Variants in CNTN4 observed in about 807,000 individuals in gnomAD.
The protein encoded by CNTN4 is contactin-4.
In CNTN4, 77 loss-of-function variants were observed where a neutral mutation model predicts 122.5. That is an observed-to-expected ratio of 0.63 (90% CI 0.52 to 0.76). The LOEUF (loss-of-function observed/expected upper bound fraction) is 0.76. CNTN4 is among the 30% of genes least tolerant of loss of function. CNTN4 has a pLI of 0.00. For missense variants in CNTN4, 1,256 were observed against 1,259.1 expected (o/e 1.00, Z 0.04); for synonymous variants, 512 against 447.0 (o/e 1.15, Z -1.83).
At chr3:2,581,100 A>G (rs1330093733) in intron 4 of CNTN4, among the ~76,000 whole-genome samples, 4 of 152,168 alleles carry the variant, frequency 2.6e-5, no homozygotes, top group African/African-American at 7.2e-5. Context: ...CTTATTAGAA[A>G]TGGGGATTTT....
intron 2 of CNTN4, among the ~76,000 whole-genome samples, chr3:2,212,266 C>T (rs1001442194): frequency 1.3e-5 from 2 of 152,102 alleles, no homozygotes; most frequent in Non-Finnish European, 2.9e-5. Context: ...TGAGACACCA[C>T]ATCAGACCTC....
At chr3:2,233,168 C>A (rs1481428303) in intron 2 of CNTN4, among the ~76,000 whole-genome samples, 1 of 152,110 alleles carries the variant, frequency 6.6e-6, no homozygotes, top group Non-Finnish European at 1.5e-5. Flanking sequence ...TAAACATATA[C>A]CCACAGAAAC....
intron 3 of CNTN4, among the ~76,000 whole-genome samples, chr3:2,569,621 G>T (rs375368008): frequency 1.3e-5 from 2 of 152,216 alleles, no homozygotes; most frequent in East Asian, 3.9e-4. Context: ...AGTTTTCAAA[G>T]AAGTTTCATT....
Position 3,030,887 on chromosome 3 carries a change from C to A in CNTN4, c.1695C>A (p.Asn565Lys), listed in dbSNP as rs777927908. ...QDSAGDLMIR[N>K]IQLKHAGKYV... The stretch of plus-strand genomic sequence containing the variant: ...CAGCTGGTGATTTGATGATCCGAAA[C>A]ATCCAACTGAAGCATGCTGGGAAAT... Residue 565 changes from asparagine (N) to lysine (K), a missense_variant, in exon 16 of 25, where the codon AAC becomes AAA. Coordinates refer to ENST00000418658, the MANE Select transcript of CNTN4 (RefSeq NM_175607.3). 51 of 1,614,076 alleles carry A rather than the reference C, an allele frequency of 3.2e-5. No homozygotes were observed. Among genetic ancestry groups the A allele is most frequent in the Non-Finnish European group, 4.2e-5 (50 of 1,179,914 alleles).
At chr3:2,442,852 C>T (rs989484311) in intron 3 of CNTN4, among the ~76,000 whole-genome samples, 15 of 152,030 alleles carry the variant, frequency 9.9e-5, no homozygotes, top group African/African-American at 2.9e-4. Flanking sequence ...TTCTTTATTC[C>T]AAGTTTAATT....
At chr3:2,400,969 T>C (rs1238245605) in intron 3 of CNTN4, among the ~76,000 whole-genome samples, 1 of 152,010 alleles carries the variant, frequency 6.6e-6, no homozygotes, top group African/African-American at 2.4e-5. Flanking sequence ...TAGGTGTGTA[T>C]TGGGAAATTA....
At chr3:2,503,714 G>A (rs2076658098) in intron 3 of CNTN4, among the ~76,000 whole-genome samples, 1 of 152,012 alleles carries the variant, frequency 6.6e-6, no homozygotes, top group African/African-American at 2.4e-5. Flanking sequence ...AAAGTGGGTA[G>A]GGATGAGGAA....
At chr3:2,509,256 G>A (rs928866429) in intron 3 of CNTN4, among the ~76,000 whole-genome samples, 8 of 152,138 alleles carry the variant, frequency 5.3e-5, no homozygotes, top group Admixed American at 1.3e-4. Flanking sequence ...CACGAGCTGC[G>A]TGGAGTAGAT....
chr3:2,320,799 A>C (rs575188628), intron 2 of CNTN4, among the ~76,000 whole-genome samples: 1 of 152,238 alleles, frequency 6.6e-6, no homozygotes, highest in African/African-American at 2.4e-5. Flanking sequence ...TTTGGTTGAT[A>C]ATTTCTTTAT....
At chr3:2,262,628 TG>T (rs1389945954) in intron 2 of CNTN4, among the ~76,000 whole-genome samples, 1,102 of 35,560 alleles carry the variant, frequency 0.031, 17 homozygotes, top group African/African-American at 0.071. Flanking sequence ...TGCTGTTCCG[TG>T]TTTTTTTTTT....
At chr3:2,928,400 A>G (rs568026287) in intron 13 of CNTN4, among the ~76,000 whole-genome samples, 6 of 152,292 alleles carry the variant, frequency 3.9e-5, no homozygotes, top group Admixed American at 2.6e-4. Flanking sequence ...GAAGAGGGAA[A>G]ATTAAGTGGA....
intron 2 of CNTN4, among the ~76,000 whole-genome samples, chr3:2,276,298 G>A (rs1421462201): frequency 2.6e-5 from 4 of 151,758 alleles, no homozygotes; most frequent in African/African-American, 4.8e-5. Flanking sequence ...TCAGCCTCCC[G>A]AGTAGGTAGG....
At chr3:2,203,825 C>T (rs1043645212) in intron 2 of CNTN4, among the ~76,000 whole-genome samples, 1 of 152,124 alleles carries the variant, frequency 6.6e-6, no homozygotes, top group African/African-American at 2.4e-5. Context: ...AGATCAATAA[C>T]ACTCCTTTTG....
intron 10 of CNTN4, 89 bp downstream of exon 10, chr3:2,887,313 GGA>G (rs2093989913): frequency 8.1e-7 from 1 of 1,232,522 alleles, no homozygotes; most frequent in Non-Finnish European, 1.2e-6. Flanking sequence ...AGGCATTTTG[GGA>G]GAGATGGTGC....
chr3:2,648,383 A>T (rs1600360), intron 4 of CNTN4, among the ~76,000 whole-genome samples: 3,287 of 152,108 alleles, frequency 0.022, 107 homozygotes, highest in African/African-American at 0.075. Context: ...TACTGCCACC[A>T]TTTTCCCAAC....
chr3:2,645,153 C>G (rs1242215348), intron 4 of CNTN4, among the ~76,000 whole-genome samples: 1 of 151,904 alleles, frequency 6.6e-6, no homozygotes, highest in Admixed American at 6.6e-5. Flanking sequence ...CAAGTCTAGT[C>G]TGTGTGAAAG....
Position 2,583,235 on chromosome 3 carries a change from A to G in CNTN4, c.55+11677A>G, listed in dbSNP as rs952291528. ...CTTTGAAGATCTGGCCATGGTTGACATAACAACTCATTGCAGCAGATATGT... is the reference window on the plus strand; with the variant it reads ...CTTTGAAGATCTGGCCATGGTTGACGTAACAACTCATTGCAGCAGATATGT... On this transcript the variant is annotated intron_variant, in intron 4 of 24. Coordinates refer to ENST00000418658, the MANE Select transcript of CNTN4 (RefSeq NM_175607.3). 4.6e-5 allele frequency among the ~76,000 whole-genome samples: 7 copies of G among 152,356 alleles called. No individual in the cohort carries two copies. The South Asian group carries it at 8.3e-4, about 18-fold the overall frequency.
In CNTN4 at chr3:2,565,154, C is replaced by T. The variant is rs142001593; in HGVS notation, c.-88-6262C>T. ...GTGAGTATGGTCTAAATAAGGGATTCCATCCTATACATGTCTGCCTCTTGT... is the reference window on the plus strand; with the variant it reads ...GTGAGTATGGTCTAAATAAGGGATTTCATCCTATACATGTCTGCCTCTTGT... On this transcript the variant is annotated intron_variant, in intron 3 of 24. Transcript: ENST00000418658. Among the ~76,000 whole-genome samples, 170 of 152,152 alleles carry T rather than the reference C, an allele frequency of 1.1e-3. 2 individuals are homozygous for T. The highest frequency in any genetic ancestry group is 4.0e-3 in the African/African-American group (166 of 41,532).
chr3:2,660,027 A>G (rs535578413), intron 4 of CNTN4, among the ~76,000 whole-genome samples: 2 of 152,218 alleles, frequency 1.3e-5, no homozygotes, highest in African/African-American at 4.8e-5. Flanking sequence ...TCTGATGCAC[A>G]GTCACTGGGC....
Sources: allele counts gnomAD v4.1 joint callset (sites outside exome capture counted in the v4.1 genomes callset), GRCh38; gene constraint gnomAD v4.1.1; transcripts MANE v1.5; gene names NCBI Gene and HGNC (gene_info 2026-07-23, HGNC 2026-07-21).